TUT4: variants seen among roughly 807,000 people sequenced by gnomAD.
The protein encoded by TUT4 is terminal uridylyl transferase 4.
In TUT4, 36 loss-of-function variants were observed where a neutral mutation model predicts 192.2. That is an observed-to-expected ratio of 0.19 (90% CI 0.14 to 0.25). The LOEUF (loss-of-function observed/expected upper bound fraction) is 0.25, where lower values mean the gene tolerates loss of function less well. Ranked by LOEUF, TUT4 falls within the 10% of genes least tolerant of loss-of-function variation. TUT4 has a pLI of 1.00. For synonymous variants in TUT4, 618 were observed against 666.0 expected (o/e 0.93, Z 1.11); for missense variants, 1,493 against 1,957.2 (o/e 0.76, Z 4.47).
At chr1:52,512,476 C>A (rs1224325587) in intron 3 of TUT4, among the ~76,000 whole-genome samples, 1 of 152,156 alleles carries the variant, frequency 6.6e-6, no homozygotes, top group Non-Finnish European at 1.5e-5. Flanking sequence ...CAGAGCTAGA[C>A]CCAATGACTC....
chr1:52,475,005 A>G lies in TUT4; in HGVS notation c.2554T>C (p.Cys852Arg), dbSNP rs778948391. Residue 852 changes from cysteine to arginine, a missense_variant, in exon 13 of 30, where the codon TGC becomes CGC. By Grantham distance (180) the Cys-to-Arg change is radical (BLOSUM62 -3). Around this residue, in one of 7 missense-constraint regions of TUT4, gnomAD observed 245 missense variants for 218.4 expected, o/e 1.12. Coordinates refer to ENST00000257177, the MANE Select transcript of TUT4 (RefSeq NM_001009881.3). The part of the protein sequence containing the change: ...PDPDKSTGTD[C>R]RSNLETESSH... ...CTCTCTGTTTCTAAATTTGACCTGC[A>G]GTCTGTTCCAGTAGATTTATCTGGG... The G allele has an allele frequency of 1.2e-6, 2 of 1,614,198 alleles. No individual in the cohort carries two copies. The highest frequency in any genetic ancestry group is 1.7e-6 in the Non-Finnish European group (2 of 1,180,028).
At chr1:52,463,826 T>C (rs1039264946) in intron 16 of TUT4, 14 of 1,298,454 alleles carry the variant, frequency 1.1e-5, no homozygotes, top group African/African-American at 3.0e-5. Context: ...ACTGCTGAAA[T>C]TGCACTTGGG....
chr1:52,532,356 C>T (rs1483693967), intron 1 of TUT4, among the ~76,000 whole-genome samples: 1 of 151,350 alleles, frequency 6.6e-6, no homozygotes, highest in Admixed American at 6.6e-5. Flanking sequence ...TACAGTATCT[C>T]ACTCTGTCAC....
intron 2 of TUT4, among the ~76,000 whole-genome samples, chr1:52,522,651 G>C (rs978302553): frequency 1.3e-5 from 2 of 152,072 alleles, no homozygotes; most frequent in African/African-American, 4.8e-5. Context: ...CTTTGGCCAG[G>C]GCAGTGGCTC....
At chr1:52,459,646 G>A (rs1232668603) in intron 19 of TUT4, among the ~76,000 whole-genome samples, 2 of 152,062 alleles carry the variant, frequency 1.3e-5, no homozygotes, top group Non-Finnish European at 2.9e-5. Flanking sequence ...AGCACTTTGG[G>A]AGGCCGAGGC....
At chr1:52,440,970 A>T (rs752586780) in intron 24 of TUT4, among the ~76,000 whole-genome samples, 1 of 152,170 alleles carries the variant, frequency 6.6e-6, no homozygotes, top group South Asian at 2.1e-4. Flanking sequence ...AGTGTTCCCT[A>T]TCATTAAAAC....
chr1:52,526,820 T>G (rs904792615), intron 1 of TUT4, among the ~76,000 whole-genome samples: 6 of 151,762 alleles, frequency 4.0e-5, no homozygotes, highest in Non-Finnish European at 7.4e-5. Flanking sequence ...AGGTCAGGAG[T>G]TCGAGACCAG....
At chr1:52,447,364 G>A (rs1189723850) in intron 20 of TUT4, among the ~76,000 whole-genome samples, 1 of 151,572 alleles carries the variant, frequency 6.6e-6, no homozygotes, top group African/African-American at 2.4e-5. Flanking sequence ...CAGGAGAAAT[G>A]CTTGAACCTG....
At chr1:52,483,017 C>G (rs1275856792) in intron 9 of TUT4, among the ~76,000 whole-genome samples, 1 of 152,168 alleles carries the variant, frequency 6.6e-6, no homozygotes, top group Non-Finnish European at 1.5e-5. Flanking sequence ...GTATTTTCCA[C>G]TAGGAACCCA....
At chr1:52,539,880 T>G (rs1488974456) in intron 1 of TUT4, among the ~76,000 whole-genome samples, 1 of 147,816 alleles carries the variant, frequency 6.8e-6, no homozygotes, top group Non-Finnish European at 1.5e-5. Flanking sequence ...CACTTTGGCC[T>G]GGGTGACAAG....
At chr1:52,503,054 C>G (rs986461772) in intron 4 of TUT4, among the ~76,000 whole-genome samples, 1 of 152,150 alleles carries the variant, frequency 6.6e-6, no homozygotes, top group South Asian at 2.1e-4. Context: ...ATATTACTCC[C>G]CAGATAGATA....
chr1:52,431,154 T>C lies in TUT4; in HGVS notation c.4570A>G (p.Ile1524Val), dbSNP rs777195344. 1.7e-5 allele frequency: 28 copies of C among 1,614,150 alleles called. No individual in the cohort carries two copies. In the African/African-American group the frequency reaches 2.1e-4, roughly 12 times the overall value. ...HSAPGSAPSN[I>V]GLNDPSIIFA... Reference sequence around the variant, plus strand: ...ATGATGCTGGGATCATTTAGGCCAATATTGCTGGGGGCACTGCCTGGTGCA... The same window carrying C: ...ATGATGCTGGGATCATTTAGGCCAACATTGCTGGGGGCACTGCCTGGTGCA... The change falls in exon 28 of 30, where the codon ATT becomes GTT. Residue 1524 changes from isoleucine to valine, a missense_variant. Physicochemically the swap from Ile to Val is conservative, Grantham distance 29. Around this residue, in one of 7 missense-constraint regions of TUT4, gnomAD observed 351 missense variants for 397.8 expected, o/e 0.88. Coordinates refer to ENST00000257177, the MANE Select transcript of TUT4 (RefSeq NM_001009881.3).
intron 28 of TUT4, among the ~76,000 whole-genome samples, chr1:52,426,865 T>A (rs1650124549): frequency 6.6e-6 from 1 of 152,168 alleles, no homozygotes. Context: ...AAAGATAATT[T>A]GAAAAATGGG....
chr1:52,472,071 T>G lies in TUT4; in HGVS notation c.2759A>C (p.Lys920Thr), dbSNP rs756550054. 10 of 1,613,716 alleles carry G rather than the reference T, an allele frequency of 6.2e-6. No homozygotes were observed. The highest frequency in any genetic ancestry group is 8.5e-6 in the Non-Finnish European group (10 of 1,179,878). Residue 920 changes from lysine (K) to threonine (T), a missense_variant, in exon 14 of 30, where the codon AAG becomes ACG. Transcript: ENST00000257177. ...PPTIVCSICK[K>T]DGHSKNDCPE... ...GCAATCATTCTTTGAATGGCCATCC[T>G]TTTTGCAGATGCTGCATACTATCGT...
At chr1:52,516,425 T>G (rs77226993) in intron 2 of TUT4, among the ~76,000 whole-genome samples, 45 of 152,354 alleles carry the variant, frequency 3.0e-4, no homozygotes, top group Admixed American at 2.0e-3. Context: ...CAAAGAAGAT[T>G]AGTCACTGAA....
chr1:52,515,498 C>T (rs983584226), intron 3 of TUT4: 1 of 290,170 alleles, frequency 3.4e-6, no homozygotes, highest in Non-Finnish European at 6.4e-6. Context: ...TCTGTGACAA[C>T]TACTCAACTC....
chr1:52,446,062 C>A, intron 22 of TUT4, 58 bp from the exon 23 acceptor site: 1 of 1,513,846 alleles, frequency 6.6e-7, no homozygotes, highest in Non-Finnish European at 9.0e-7. Context: ...TAAAAATATA[C>A]TTAGAAGTCA....
At chr1:52,463,175 A>C (rs1386286172) in intron 16 of TUT4, 1 of 982,400 alleles carries the variant, frequency 1.0e-6, no homozygotes, top group Non-Finnish European at 1.2e-6. Context: ...TATATATAAT[A>C]TACAAACCCT....
intron 8 of TUT4, 50 bp downstream of exon 8, chr1:52,490,682 T>C (rs777681354): frequency 2.7e-6 from 4 of 1,507,800 alleles, no homozygotes; most frequent in Admixed American, 2.0e-5. Context: ...ACTACAAATT[T>C]GGTTGTTGGG....
Sources: allele counts gnomAD v4.1 joint callset (sites outside exome capture counted in the v4.1 genomes callset), GRCh38; gene constraint gnomAD v4.1.1; regional missense constraint gnomAD v4.1.1; transcripts MANE v1.5; gene names NCBI Gene and HGNC (gene_info 2026-07-23, HGNC 2026-07-21).